The following IFT80 variants were observed in gnomAD, a reference collection of about 807,000 sequenced individuals.
The protein encoded by IFT80 is intraflagellar transport protein 80 homolog.
IFT80 carries 79 observed loss-of-function variants against 107.9 expected under a neutral mutation model. The ratio of observed to expected loss-of-function variants is 0.73; its 90% CI spans 0.61 to 0.88. The LOEUF is 0.88. IFT80 is among the 40% of genes least tolerant of loss of function. The pLI, the probability that IFT80 is intolerant of heterozygous loss-of-function variation, is 0.00. For missense variants in IFT80, 797 were observed against 914.2 expected (o/e 0.87, Z 1.65); for synonymous variants, 299 against 300.9 (o/e 0.99, Z 0.07).
chr3:160,286,817 T>C (rs369613126), intron 12 of IFT80, among the ~76,000 whole-genome samples: 44 of 152,322 alleles, frequency 2.9e-4, no homozygotes, highest in East Asian at 2.9e-3. Flanking sequence ...TATGCTACTC[T>C]GGTACAATCA....
intron 9 of IFT80, 78 bp downstream of exon 9, chr3:160,319,682 T>C (rs1445054488): frequency 1.7e-6 from 2 of 1,163,594 alleles, no homozygotes; most frequent in South Asian, 2.6e-5. Context: ...ATATAATTAA[T>C]GAAGATAATT....
chr3:160,344,136 C>G (rs1285889208), intron 8 of IFT80, among the ~76,000 whole-genome samples: 2 of 152,174 alleles, frequency 1.3e-5, no homozygotes, highest in African/African-American at 4.8e-5. Context: ...TTTTTATGTG[C>G]ATAAAACTCA....
chr3:160,307,837 T>C, intron 9 of IFT80, 56 bp from the exon 10 acceptor site: 4 of 888,928 alleles, frequency 4.5e-6, no homozygotes, highest in Non-Finnish European at 7.5e-6. Context: ...AAATTTTATT[T>C]AGATAAGTTA....
chr3:160,348,022 C>T (rs1720421073), intron 8 of IFT80, among the ~76,000 whole-genome samples: 1 of 152,136 alleles, frequency 6.6e-6, no homozygotes, highest in South Asian at 2.1e-4. Flanking sequence ...ACCATATAAA[C>T]AAAGCAGCTC....
At position 160,277,398 on chromosome 3, in the gene IFT80, A is replaced by G. The variant is rs753097015; in HGVS notation, c.2007T>C (p.Ser669=). The G allele has an allele frequency of 6.2e-7, 1 of 1,613,470 alleles. No homozygotes were observed. The highest frequency in any genetic ancestry group is 1.1e-5 in the South Asian group (1 of 91,062). ...ESKMAHILLF[S]GNIQEAEIVL... ...CTATTTCAGCCTCCTGTATGTTCCCACTAAACAGTAGTATGTGGGCCATTT... is the reference window on the plus strand; with the variant it reads ...CTATTTCAGCCTCCTGTATGTTCCCGCTAAACAGTAGTATGTGGGCCATTT... Residue 669 remains serine (S), a synonymous_variant, in exon 18 of 20, where the codon AGT becomes AGC. Transcript: ENST00000326448.
chr3:160,267,185 G>T (rs1713402708), intron 19 of IFT80, among the ~76,000 whole-genome samples: 1 of 152,280 alleles, frequency 6.6e-6, no homozygotes, highest in Admixed American at 6.5e-5. Flanking sequence ...CATGAAAATT[G>T]TTCTGAAGTG....
At chr3:160,386,818 T>G (rs1336464247) in intron 1 of IFT80, among the ~76,000 whole-genome samples, 1 of 152,126 alleles carries the variant, frequency 6.6e-6, no homozygotes, top group Admixed American at 6.5e-5. Context: ...CCAGTATGCC[T>G]AAAATAAAAT....
intron 1 of IFT80, among the ~76,000 whole-genome samples, chr3:160,388,565 A>G (rs140722922): frequency 2.7e-5 from 4 of 148,924 alleles, no homozygotes; most frequent in Non-Finnish European, 4.4e-5. Context: ...TATACATATT[A>G]TATTATTATA....
chr3:160,341,404 G>A (rs1289552288), intron 8 of IFT80, among the ~76,000 whole-genome samples: 12 of 151,744 alleles, frequency 7.9e-5, no homozygotes, highest in Non-Finnish European at 1.8e-4. Context: ...CCAAGTGGTG[G>A]TAGGAACTTG....
At position 160,301,034 on chromosome 3, in the gene IFT80, A is replaced by G. The variant is rs1184122084; in HGVS notation, c.1164T>C (p.Leu388=). 2.5e-6 allele frequency: 4 copies of G among 1,577,430 alleles called. No individual in the cohort carries two copies. Among genetic ancestry groups the G allele is most frequent in the Non-Finnish European group, 3.5e-6 (4 of 1,153,328 alleles). ...LILQAERHFL[L]VDGSSIYLYS... The stretch of plus-strand genomic sequence containing the variant: ...ATAAATAGATACTACTACCATCTAC[A>G]AGAAGAAAATGTCTAAAAAATAAAG... The change falls in exon 12 of 20, where the codon CTT becomes CTC. Residue 388 remains leucine, a synonymous_variant. Coordinates refer to ENST00000326448, the MANE Select transcript of IFT80 (RefSeq NM_020800.3).
At chr3:160,261,232 T>G (rs970146847) in intron 19 of IFT80, among the ~76,000 whole-genome samples, 2 of 152,056 alleles carry the variant, frequency 1.3e-5, no homozygotes, top group African/African-American at 2.4e-5. Flanking sequence ...TTAAGAACTT[T>G]GCACTAAAAC....
chr3:160,366,125 C>A lies in IFT80; in HGVS notation c.467G>T (p.Gly156Val). 6.2e-7 allele frequency: 1 copy of A among 1,612,022 alleles called. No individual in the cohort carries two copies. The highest frequency in any genetic ancestry group is 8.5e-7 in the Non-Finnish European group (1 of 1,178,714). Residue 156 changes from glycine (G) to valine (V), a missense_variant, in exon 6 of 20, where the codon GGC becomes GTC. Gly to Val is a moderately radical substitution (Grantham distance 109, BLOSUM62 -3). Coordinates refer to ENST00000326448, the MANE Select transcript of IFT80 (RefSeq NM_020800.3). Reference sequence around the variant, plus strand: ...ATAAAGAACCTTTTCTGAATCAGGGCCCCACGCTACTGAATACACTGGTGT... The same window carrying A: ...ATAAAGAACCTTTTCTGAATCAGGGACCCACGCTACTGAATACACTGGTGT... ...QGTPVYSVAW[G>V]PDSEKVLYTA...
intron 8 of IFT80, among the ~76,000 whole-genome samples, chr3:160,320,719 A>G (rs1320101918): frequency 4.6e-5 from 7 of 151,738 alleles, no homozygotes; most frequent in Admixed American, 2.6e-4. Flanking sequence ...GTATAATCAC[A>G]GTCTTGATTT....
chr3:160,285,918 T>A (rs770467021), intron 12 of IFT80, 50 bp from the exon 13 acceptor site: 12 of 1,313,882 alleles, frequency 9.1e-6, no homozygotes, highest in Non-Finnish European at 1.2e-5. Flanking sequence ...GAATTTTTAC[T>A]GGTAAAATTC....
At chr3:160,304,527 C>T (rs778162373) in intron 10 of IFT80, among the ~76,000 whole-genome samples, 9 of 151,344 alleles carry the variant, frequency 5.9e-5, no homozygotes, top group Non-Finnish European at 1.3e-4. Context: ...GCTCCTCTTC[C>T]CAGGTTCACG....
chr3:160,380,340 C>T (rs1442603330), intron 3 of IFT80, among the ~76,000 whole-genome samples: 1 of 152,038 alleles, frequency 6.6e-6, no homozygotes, highest in African/African-American at 2.4e-5. Flanking sequence ...CAGTGATGGG[C>T]ATATGACCCA....
Position 160,275,022 on chromosome 3 carries a change from A to G in IFT80, c.2099+2284T>C, listed in dbSNP as rs1327346947. 2.0e-5 allele frequency among the ~76,000 whole-genome samples: 3 copies of G among 152,218 alleles called. No individual in the cohort carries two copies. The East Asian group carries it at 5.8e-4, about 29-fold the overall frequency. On this transcript the variant is annotated intron_variant, in intron 18 of 19. Coordinates refer to ENST00000326448, the MANE Select transcript of IFT80 (RefSeq NM_020800.3). ...GATATTAGACAACTTGGGGGTTCAA[A>G]TCCTAGATTTTGTGCTTATTTATAT...
chr3:160,381,690 A>C lies in IFT80; in HGVS notation c.72T>G (p.Thr24=). The change falls in exon 3 of 20, where the codon ACT becomes ACG. Residue 24 remains threonine, a synonymous_variant. Transcript: ENST00000326448. ...CACTACATGAATACAGCTCTTCAGC[A>C]GTAGTCCAGCCCACACAGCTTACTA... The part of the protein sequence containing the change: ...QELVSCVGWT[T]AEELYSCSDD... 6.2e-7 allele frequency: 1 copy of C among 1,612,130 alleles called. No homozygotes were observed. The highest frequency in any genetic ancestry group is 1.1e-5 in the South Asian group (1 of 90,994).
At chr3:160,345,862 T>C (rs907907678) in intron 8 of IFT80, among the ~76,000 whole-genome samples, 1 of 152,096 alleles carries the variant, frequency 6.6e-6, no homozygotes, top group African/African-American at 2.4e-5. Flanking sequence ...AGTCAATAAT[T>C]TAATTGCATA....
Sources: allele counts gnomAD v4.1 joint callset (sites outside exome capture counted in the v4.1 genomes callset), GRCh38; gene constraint gnomAD v4.1.1; transcripts MANE v1.5; gene names NCBI Gene and HGNC (gene_info 2026-07-23, HGNC 2026-07-21).